Variants in GALNT18 observed in about 807,000 individuals in gnomAD.
GALNT18 encodes the protein GalNAc-transferase 18.
In GALNT18, 44 loss-of-function variants were observed where a neutral mutation model predicts 69.5. The ratio of observed to expected loss-of-function variants is 0.63; its 90% CI spans 0.50 to 0.81. The LOEUF (loss-of-function observed/expected upper bound fraction) is 0.81. GALNT18 is among the 40% of genes least tolerant of loss of function. The pLI is 0.00. For synonymous variants in GALNT18, 364 were observed against 318.2 expected (o/e 1.14, Z -1.53); for missense variants, 715 against 810.0 (o/e 0.88, Z 1.42).
intron 1 of GALNT18, among the ~76,000 whole-genome samples, chr11:11,484,296 AAT>A (rs1415060868): frequency 1.3e-5 from 2 of 152,002 alleles, no homozygotes; most frequent in Non-Finnish European, 2.9e-5. Flanking sequence ...CTTCATTTCA[AAT>A]ATAGCCAGGT....
At chr11:11,305,753 C>T (rs550674898) in intron 9 of GALNT18, among the ~76,000 whole-genome samples, 22 of 152,332 alleles carry the variant, frequency 1.4e-4, no homozygotes, top group Non-Finnish European at 2.8e-4. Flanking sequence ...CAGTCACCCC[C>T]TTTAGATCCC....
rs1437117341 is a variant in GALNT18 at position 11,480,288 on chromosome 11, G to A, written c.236-31352C>T. 4.7e-5 allele frequency among the ~76,000 whole-genome samples: 7 copies of A among 148,334 alleles called. No individual in the cohort carries two copies. In the East Asian group the frequency reaches 5.9e-4, roughly 13 times the overall value. On this transcript the variant is annotated intron_variant, in intron 1 of 10. Transcript: ENST00000227756. The surrounding 1 kb of genome is among the most constrained non-coding windows in gnomAD (Gnocchi z 4.6). ...TCTTTCTCTCTCTCTCGCCCCCCTC[G>A]CCCCAACCTCAGTCATATCCCAATA...
chr11:11,313,833 T>C (rs748062344), intron 9 of GALNT18, among the ~76,000 whole-genome samples: 7 of 152,186 alleles, frequency 4.6e-5, no homozygotes, highest in African/African-American at 7.2e-5. Flanking sequence ...TGAGCTTAGA[T>C]ATACAAAGCA....
At chr11:11,403,898 A>G (rs1564931271) in intron 3 of GALNT18, among the ~76,000 whole-genome samples, 1 of 152,174 alleles carries the variant, frequency 6.6e-6, no homozygotes, top group African/African-American at 2.4e-5. Flanking sequence ...ATTGCTGTGG[A>G]TGGTACAGAG....
In GALNT18 at chr11:11,436,985, C is replaced by T. The variant is rs938470510; in HGVS notation, c.429-4198G>A. On this transcript the variant is annotated intron_variant, in intron 2 of 10. Coordinates refer to ENST00000227756, the MANE Select transcript of GALNT18 (RefSeq NM_198516.3). The surrounding 1 kb of genome is among the most constrained non-coding windows in gnomAD (Gnocchi z 4.5). Reference sequence around the variant, plus strand: ...GTACTGCTAAGATGCCCTCCCAGAGCACCTGGATTTTCCAGAATTGGGCCA... The same window carrying T: ...GTACTGCTAAGATGCCCTCCCAGAGTACCTGGATTTTCCAGAATTGGGCCA... Among the ~76,000 whole-genome samples the T allele has an allele frequency of 6.6e-6, 1 of 152,180 alleles. No individual in the cohort carries two copies. The highest frequency in any genetic ancestry group is 2.4e-5 in the African/African-American group (1 of 41,440).
chr11:11,301,570 T>G lies in GALNT18; in HGVS notation c.1513-8377A>C, dbSNP rs546658335. On this transcript the variant is annotated intron_variant, in intron 9 of 10. Coordinates refer to ENST00000227756, the MANE Select transcript of GALNT18 (RefSeq NM_198516.3). ...ACCATTCTCCATTAGTGTGACGACA[T>G]ACATGTGTAAGGCTGGGTTTCTAGC... Among the ~76,000 whole-genome samples, 3 of 152,316 alleles carry G rather than the reference T, an allele frequency of 2.0e-5. No individual in the cohort carries two copies. In the East Asian group the frequency reaches 5.8e-4, roughly 29 times the overall value.
At chr11:11,352,540 A>G (rs2133068626) in intron 6 of GALNT18, 1 of 1,614,136 alleles carries the variant, frequency 6.2e-7, no homozygotes, top group South Asian at 1.1e-5. Context: ...AAGTATCGGG[A>G]AGCAACTCGG....
At chr11:11,443,801 G>T (rs1855585420) in intron 2 of GALNT18, among the ~76,000 whole-genome samples, 1 of 152,208 alleles carries the variant, frequency 6.6e-6, no homozygotes, top group Admixed American at 6.5e-5. Context: ...GCCTCCCCCA[G>T]TTCTTCCCAC....
At position 11,426,771 on chromosome 11, in the gene GALNT18, A is replaced by G. The variant is rs558115859; in HGVS notation, c.595+5850T>C. Among the ~76,000 whole-genome samples, 69 of 152,208 alleles carry G rather than the reference A, an allele frequency of 4.5e-4. No homozygotes were observed. In the South Asian group the frequency reaches 0.014, roughly 30 times the overall value. ...AACGGAGTGATTCACTGACCTCCCT[A>G]GTGGGAAGGAGGCATTTGAGTAAAG... On this transcript the variant is annotated intron_variant, in intron 3 of 10. Transcript: ENST00000227756.
At chr11:11,358,826 A>AACACACACACACAC (rs10644506) in intron 6 of GALNT18, among the ~76,000 whole-genome samples, 4,204 of 110,842 alleles carry the variant, frequency 0.038, 559 homozygotes, top group Non-Finnish European at 0.053. Flanking sequence ...ATCCACACAA[A>AACACACACACACAC]ACACACACAC....
chr11:11,273,879 C>G (rs1848879223), intron 10 of GALNT18, among the ~76,000 whole-genome samples: 1 of 148,546 alleles, frequency 6.7e-6, no homozygotes, highest in Admixed American at 7.5e-5. Flanking sequence ...TAATGAGACT[C>G]TGGTTTCACT....
chr11:11,294,680 C>T (rs1849365084), intron 9 of GALNT18, among the ~76,000 whole-genome samples: 1 of 151,984 alleles, frequency 6.6e-6, no homozygotes. Context: ...TAGGAGTCTC[C>T]CATGGGCTGT....
At chr11:11,554,906 C>T (rs11021926) in intron 1 of GALNT18, among the ~76,000 whole-genome samples, 38,347 of 152,042 alleles carry the variant, frequency 0.25, 6,096 homozygotes, top group Middle Eastern at 0.39. Context: ...GTGAGGGTCC[C>T]GGAGGGAGCA....
At chr11:11,301,034 C>G (rs1479347710) in intron 9 of GALNT18, among the ~76,000 whole-genome samples, 1 of 152,172 alleles carries the variant, frequency 6.6e-6, no homozygotes, top group African/African-American at 2.4e-5. Flanking sequence ...GAACTTATCC[C>G]TATCTGCAGG....
rs1301539731 is a variant in GALNT18 at position 11,618,767 on chromosome 11, C to A, written c.235+2592G>T. On this transcript the variant is annotated intron_variant, in intron 1 of 10. Coordinates refer to ENST00000227756, the MANE Select transcript of GALNT18 (RefSeq NM_198516.3). The surrounding 1 kb of genome is among the most constrained non-coding windows in gnomAD (Gnocchi z 6.1). The stretch of plus-strand genomic sequence containing the variant: ...ATAAGGTTGTGAAGATTAAATAAGT[C>A]AATATATGTAAAGTGTTTAGAATAG... Among the ~76,000 whole-genome samples, 1 of 152,130 alleles carries A rather than the reference C, an allele frequency of 6.6e-6. No individual in the cohort carries two copies. Among genetic ancestry groups the A allele is most frequent in the African/African-American group, 2.4e-5 (1 of 41,406 alleles).
Position 11,459,228 on chromosome 11 carries a change from T to C in GALNT18, c.236-10292A>G, listed in dbSNP as rs76445580. ...CATTCAAACATGAGCCGAAGGTCTT[T>C]TGCCAATGGTCCCCACAATTAGGCT... On this transcript the variant is annotated intron_variant, in intron 1 of 10. Transcript: ENST00000227756. The surrounding 1 kb of genome is among the most constrained non-coding windows in gnomAD (Gnocchi z 5.0). 0.022 allele frequency among the ~76,000 whole-genome samples: 3,406 copies of C among 152,274 alleles called. 114 individuals carry two copies. The highest frequency in any genetic ancestry group is 0.077 in the African/African-American group (3,190 of 41,526).
chr11:11,529,695 G>C (rs561081948), intron 1 of GALNT18, among the ~76,000 whole-genome samples: 4 of 152,022 alleles, frequency 2.6e-5, no homozygotes, highest in Non-Finnish European at 5.9e-5. Flanking sequence ...ATGTGTGCAC[G>C]TGCATGTTAG....
At chr11:11,556,845 T>TGA (rs1188532603) in intron 1 of GALNT18, among the ~76,000 whole-genome samples, 1 of 152,260 alleles carries the variant, frequency 6.6e-6, no homozygotes, top group African/African-American at 2.4e-5. Context: ...TCAGTGCATA[T>TGA]GATAGCCTAT....
intron 10 of GALNT18, among the ~76,000 whole-genome samples, chr11:11,284,199 G>A (rs898907498): frequency 2.0e-5 from 3 of 152,208 alleles, no homozygotes; most frequent in Non-Finnish European, 4.4e-5. Context: ...CTTGGGCACC[G>A]AGGAGCAGAT....
Sources: gnomAD v4.1 joint callset for allele counts (sites outside exome capture counted in the v4.1 genomes callset) on GRCh38, gnomAD v4.1.1 for gene constraint, Gnocchi (gnomAD v3.1) non-coding constraint, MANE v1.5 for transcripts, NCBI Gene and HGNC (gene_info 2026-07-23, HGNC 2026-07-21) for gene names.